The following ITGA9 variants were observed in gnomAD, a reference collection of about 807,000 sequenced individuals.
The protein encoded by ITGA9 is integrin subunit alpha 9.
ITGA9 carries 56 observed loss-of-function variants against 127.8 expected under a neutral mutation model. The observed-to-expected ratio is 0.44, with a 90% CI of 0.35 to 0.55. The LOEUF (loss-of-function observed/expected upper bound fraction) is 0.55, where lower values mean the gene tolerates loss of function less well. ITGA9 is among the 20% of genes least tolerant of loss of function. ITGA9 has a pLI of 0.00. For missense variants in ITGA9, 1,196 were observed against 1,347.1 expected (o/e 0.89, Z 1.76); for synonymous variants, 508 against 514.5 (o/e 0.99, Z 0.17).
intron 12 of ITGA9, among the ~76,000 whole-genome samples, chr3:37,524,060 A>C (rs1699070199): frequency 6.6e-6 from 1 of 152,208 alleles, no homozygotes; most frequent in Admixed American, 6.5e-5. Context: ...AAGAAAACCA[A>C]GTCCTCTTGC....
chr3:37,794,595 C>G (rs376849481), intron 26 of ITGA9, among the ~76,000 whole-genome samples: 10 of 152,302 alleles, frequency 6.6e-5, no homozygotes, highest in African/African-American at 2.4e-4. Flanking sequence ...GGTAAATGAG[C>G]TCCATCCCTC....
intron 15 of ITGA9, among the ~76,000 whole-genome samples, chr3:37,589,724 G>A (rs148353830): frequency 7.4e-4 from 113 of 152,310 alleles, no homozygotes; most frequent in African/African-American, 2.5e-3. Context: ...AGTGCCTGTT[G>A]TTCCAGGGAC....
chr3:37,592,675 G>A (rs1016305907), intron 15 of ITGA9, among the ~76,000 whole-genome samples: 5 of 152,154 alleles, frequency 3.3e-5, no homozygotes, highest in Admixed American at 6.5e-5. Context: ...GGTGGATTGA[G>A]AATATGTAGG....
At chr3:37,456,491 C>T (rs770510527) in intron 1 of ITGA9, among the ~76,000 whole-genome samples, 9 of 152,164 alleles carry the variant, frequency 5.9e-5, no homozygotes, top group Non-Finnish European at 1.2e-4. Flanking sequence ...GCCTGGCTGG[C>T]GTGCAGCCTC....
chr3:37,633,982 T>A (rs1027890745), intron 16 of ITGA9, among the ~76,000 whole-genome samples: 1 of 152,236 alleles, frequency 6.6e-6, no homozygotes, highest in African/African-American at 2.4e-5. Context: ...ACCGTCTCTA[T>A]GTCATGGTTA....
At chr3:37,600,493 C>A (rs1197148590) in intron 15 of ITGA9, among the ~76,000 whole-genome samples, 4 of 152,196 alleles carry the variant, frequency 2.6e-5, no homozygotes, top group Non-Finnish European at 5.9e-5. Context: ...TCCAAGCAGG[C>A]CCGGAGAAGG....
At chr3:37,810,807 C>T (rs1697359859) in intron 27 of ITGA9, among the ~76,000 whole-genome samples, 1 of 152,226 alleles carries the variant, frequency 6.6e-6, no homozygotes, top group Non-Finnish European at 1.5e-5. Context: ...GCCTGTGCCA[C>T]CAGCCCCTGG....
intron 14 of ITGA9, among the ~76,000 whole-genome samples, chr3:37,538,332 C>A (rs1559531449): frequency 6.6e-6 from 1 of 152,230 alleles, no homozygotes; most frequent in East Asian, 1.9e-4. Context: ...CAGGCCCGTG[C>A]AGGGGGGCTC....
intron 16 of ITGA9, among the ~76,000 whole-genome samples, chr3:37,647,389 G>C (rs1379723649): frequency 6.6e-6 from 1 of 150,410 alleles, no homozygotes; most frequent in African/African-American, 2.4e-5. Flanking sequence ...ATGTTTTGAT[G>C]TACATTTACA....
chr3:37,520,526 C>T (rs1319638354), intron 11 of ITGA9, among the ~76,000 whole-genome samples: 2 of 152,206 alleles, frequency 1.3e-5, no homozygotes, highest in African/African-American at 4.8e-5. Flanking sequence ...CTCAACTCCA[C>T]ATTGCAAAAA....
intron 22 of ITGA9, chr3:37,748,739 C>T: frequency 1.7e-6 from 1 of 581,166 alleles, no homozygotes; most frequent in South Asian, 1.8e-5. Context: ...CAGAGCAAGA[C>T]TCTGTCTTAA....
chr3:37,532,305 C>T (rs756916778), intron 13 of ITGA9, among the ~76,000 whole-genome samples: 28 of 152,194 alleles, frequency 1.8e-4, no homozygotes, highest in Non-Finnish European at 3.2e-4. Flanking sequence ...CCTTTGTTCA[C>T]CCAGATTTTC....
chr3:37,510,905 T>A (rs1698898291), intron 8 of ITGA9, among the ~76,000 whole-genome samples: 1 of 152,248 alleles, frequency 6.6e-6, no homozygotes, highest in African/African-American at 2.4e-5. Context: ...TCGTTCTGCT[T>A]TTGAAATAGG....
intron 18 of ITGA9, among the ~76,000 whole-genome samples, chr3:37,712,591 A>T (rs78515465): frequency 0.011 from 1,730 of 152,102 alleles, 11 homozygotes; most frequent in East Asian, 0.023. Context: ...TTCTGGTTGG[A>T]CCTCTGGAAG....
At chr3:37,524,212 T>C (rs138290756) in intron 12 of ITGA9, among the ~76,000 whole-genome samples, 2 of 152,300 alleles carry the variant, frequency 1.3e-5, no homozygotes, top group South Asian at 2.1e-4. Flanking sequence ...CTAGGTCAAA[T>C]TGCCTGGGTG....
intron 5 of ITGA9, among the ~76,000 whole-genome samples, chr3:37,500,049 T>C (rs1434230540): frequency 2.0e-5 from 3 of 152,228 alleles, no homozygotes; most frequent in Non-Finnish European, 2.9e-5. Context: ...CATCTGGGGC[T>C]GAGGAGGTTG....
At chr3:37,706,164 TCCCC>T (rs1559573626) in intron 18 of ITGA9, among the ~76,000 whole-genome samples, 1 of 152,130 alleles carries the variant, frequency 6.6e-6, no homozygotes, top group African/African-American at 2.4e-5. Flanking sequence ...TCCATCTCCT[TCCCC>T]CTGCACACAT....
chr3:37,675,760 T>TTC (rs1700675184), intron 17 of ITGA9, among the ~76,000 whole-genome samples: 1 of 151,392 alleles, frequency 6.6e-6, no homozygotes, highest in South Asian at 2.1e-4. Context: ...TTTTTTTTTT[T>TTC]TTGAGATGGA....
At chr3:37,499,955 G>A (rs893987691) in intron 5 of ITGA9, among the ~76,000 whole-genome samples, 3 of 152,126 alleles carry the variant, frequency 2.0e-5, no homozygotes, top group East Asian at 1.9e-4. Context: ...CCAATGTTCC[G>A]AAGAGCCTTT....
Sources: allele counts gnomAD v4.1 joint callset (sites outside exome capture counted in the v4.1 genomes callset), GRCh38; gene constraint gnomAD v4.1.1; transcripts MANE v1.5; gene names NCBI Gene and HGNC (gene_info 2026-07-23, HGNC 2026-07-21).